Variants in SCFD1 observed in about 807,000 individuals in gnomAD.
The protein encoded by SCFD1 is sec1 family domain containing 1.
Under a neutral mutation model 103.2 loss-of-function variants are expected in SCFD1, and 37 were observed. The ratio of observed to expected loss-of-function variants is 0.36; its 90% confidence interval spans 0.28 to 0.47. The LOEUF is 0.47. Among genes scored for constraint, SCFD1 ranks in the 20% least tolerant of loss-of-function variants. SCFD1 has a pLI of 1.00. For synonymous variants in SCFD1, 264 were observed against 245.0 expected (o/e 1.08, Z -0.73); for missense variants, 639 against 761.2 (o/e 0.84, Z 1.89).
chr14:30,654,079 A>G (rs762602387), intron 10 of SCFD1: 5 of 152,744 alleles, frequency 3.3e-5, no homozygotes, highest in African/African-American at 4.8e-5. Context: ...GTATTTATGC[A>G]TATGTAAATT....
chr14:30,674,573 G>T (rs1888858448), intron 13 of SCFD1, among the ~76,000 whole-genome samples: 1 of 152,034 alleles, frequency 6.6e-6, no homozygotes, highest in East Asian at 1.9e-4. Flanking sequence ...GCTTGAACCT[G>T]GGTGGCGGAG....
intron 1 of SCFD1, among the ~76,000 whole-genome samples, chr14:30,622,804 G>A (rs2138955606): frequency 6.6e-6 from 1 of 152,278 alleles, no homozygotes; most frequent in African/African-American, 2.4e-5. Context: ...GAGAATTTAG[G>A]TATTTTCACA....
At chr14:30,694,503 C>A (rs1265341132) in intron 14 of SCFD1, among the ~76,000 whole-genome samples, 2 of 151,794 alleles carry the variant, frequency 1.3e-5, no homozygotes, top group African/African-American at 4.8e-5. Context: ...AAAACCCCAT[C>A]TCTATAAAAA....
chr14:30,730,413 A>C (rs899529486), intron 23 of SCFD1, among the ~76,000 whole-genome samples: 2 of 152,214 alleles, frequency 1.3e-5, no homozygotes, highest in Non-Finnish European at 2.9e-5. Flanking sequence ...TTCTAGTTCT[A>C]CATCCTTGAG....
intron 9 of SCFD1, among the ~76,000 whole-genome samples, chr14:30,653,286 G>A (rs1044814478): frequency 6.6e-6 from 1 of 152,118 alleles, no homozygotes; most frequent in African/African-American, 2.4e-5. Context: ...GGGTGACATA[G>A]CAAGACCCTG....
At chr14:30,646,340 T>G (rs964302935) in intron 7 of SCFD1, among the ~76,000 whole-genome samples, 1 of 151,786 alleles carries the variant, frequency 6.6e-6, no homozygotes, top group Admixed American at 6.6e-5. Context: ...TTAAATGAAG[T>G]GATGGTGAAT....
chr14:30,637,131 A>C (rs1884805285), intron 4 of SCFD1, among the ~76,000 whole-genome samples: 1 of 152,038 alleles, frequency 6.6e-6, no homozygotes, highest in Non-Finnish European at 1.5e-5. Context: ...CTCTCAATGG[A>C]AAAAGTTAGG....
At chr14:30,623,097 A>T (rs537042764) in intron 1 of SCFD1, among the ~76,000 whole-genome samples, 1 of 152,286 alleles carries the variant, frequency 6.6e-6, no homozygotes, top group Non-Finnish European at 1.5e-5. Flanking sequence ...CGTCTTAGAA[A>T]TTAGTTTTGC....
intron 14 of SCFD1, among the ~76,000 whole-genome samples, chr14:30,679,150 G>A (rs1889269117): frequency 6.6e-6 from 1 of 151,982 alleles, no homozygotes; most frequent in Admixed American, 6.6e-5. Flanking sequence ...AAACCACAGT[G>A]GCCAGTAGCC....
intron 4 of SCFD1, 132 bp downstream of exon 4, chr14:30,634,169 A>G (rs746655001): frequency 3.4e-6 from 2 of 589,616 alleles, no homozygotes; most frequent in Non-Finnish European, 6.0e-6. Context: ...TTTTGAGACT[A>G]TCTTTGAATT....
intron 1 of SCFD1, among the ~76,000 whole-genome samples, chr14:30,623,894 G>A (rs1479433604): frequency 6.6e-6 from 1 of 152,084 alleles, no homozygotes; most frequent in Non-Finnish European, 1.5e-5. Context: ...TGCCTATGGA[G>A]AATGTTTTGG....
At chr14:30,675,111 AG>A (rs1437721600) in intron 14 of SCFD1, 46 bp downstream of exon 14, 1 of 1,051,342 alleles carries the variant, frequency 9.5e-7, no homozygotes, top group Non-Finnish European at 1.4e-6. Flanking sequence ...GCATTTACAT[AG>A]GGTTTTATAC....
chr14:30,704,843 A>T (rs1891360220), intron 17 of SCFD1, among the ~76,000 whole-genome samples: 1 of 152,188 alleles, frequency 6.6e-6, no homozygotes, highest in Non-Finnish European at 1.5e-5. Context: ...AGTGTATACA[A>T]TATGATGCTA....
At chr14:30,728,959 C>T (rs1306454675) in intron 23 of SCFD1, among the ~76,000 whole-genome samples, 1 of 151,906 alleles carries the variant, frequency 6.6e-6, no homozygotes, top group Non-Finnish European at 1.5e-5. Context: ...ATTCTCCTGC[C>T]TCAGCCTCCC....
chr14:30,630,863 A>G lies in SCFD1; in HGVS notation c.221+298A>G, dbSNP rs141143047. ...AAAGTGTTTTGTTCCTTTAATTTAA[A>G]TACACAGATTCTCCTTGACCTACAA... On this transcript the variant is annotated intron_variant, in intron 3 of 24. Transcript: ENST00000458591. 396 of 281,718 alleles carry G rather than the reference A, an allele frequency of 1.4e-3. 1 individual carries two copies. Among genetic ancestry groups the G allele is most frequent in the Middle Eastern group, 0.013 (11 of 858 alleles). The allele number at this position is 281,718 out of a possible 1,614,324, so 17.5% of individuals were successfully genotyped here.
intron 23 of SCFD1, among the ~76,000 whole-genome samples, chr14:30,732,445 T>A (rs569681582): frequency 6.6e-6 from 1 of 152,334 alleles, no homozygotes; most frequent in African/African-American, 2.4e-5. Flanking sequence ...TCCATTAAAT[T>A]TTTAGTAGCT....
chr14:30,675,005 GA>G lies in SCFD1; in HGVS notation c.1189del (p.Arg397AspfsTer14). 2 of 1,580,700 alleles carry G rather than the reference GA, an allele frequency of 1.3e-6. No individual in the cohort carries two copies. The highest frequency in any genetic ancestry group is 1.9e-5 in the Admixed American group (1 of 53,430). On this transcript the variant is annotated frameshift_variant, in exon 14 of 25. Coordinates refer to ENST00000458591, the MANE Select transcript of SCFD1 (RefSeq NM_016106.4). LOFTEE classifies it high-confidence loss of function. ...GCAGTTCTTTGCCAGAACTCCTTGAGAAAAAAAGACTTATTGATCTCCATAC... is the reference window on the plus strand; with the variant it reads ...GCAGTTCTTTGCCAGAACTCCTTGAGAAAAAAGACTTATTGATCTCCATAC... ...AVSSLPELLE[K>X]KRLIDLHTNV...
intron 15 of SCFD1, among the ~76,000 whole-genome samples, chr14:30,695,484 T>TA (rs1890630327): frequency 6.6e-6 from 1 of 152,070 alleles, no homozygotes; most frequent in South Asian, 2.1e-4. Flanking sequence ...ATGATAGAGT[T>TA]ACCAGAGGCC....
intron 15 of SCFD1, among the ~76,000 whole-genome samples, chr14:30,699,874 G>A (rs1890959371): frequency 6.6e-6 from 1 of 152,096 alleles, no homozygotes; most frequent in African/African-American, 2.4e-5. Context: ...GAATTGTATG[G>A]TTACCCTGCT....
Sources: gnomAD v4.1 joint callset for allele counts (sites outside exome capture counted in the v4.1 genomes callset) on GRCh38, gnomAD v4.1.1 for gene constraint, MANE v1.5 for transcripts, NCBI Gene and HGNC (gene_info 2026-07-23, HGNC 2026-07-21) for gene names.